CIZ1: variants seen among roughly 807,000 people sequenced by gnomAD.
The protein encoded by CIZ1 is CDKN1A interacting zinc finger protein 1, also known as cip1-interacting zinc finger protein.
A neutral mutation model predicts 118.6 loss-of-function variants in CIZ1; 58 were observed. That is an observed-to-expected ratio of 0.49 (90% CI 0.40 to 0.61). The LOEUF (loss-of-function observed/expected upper bound fraction) is 0.61. Among genes scored for constraint, CIZ1 ranks in the 20% least tolerant of loss-of-function variants. CIZ1 has a pLI of 0.00. For missense variants in CIZ1, 921 were observed against 1,115.9 expected (o/e 0.83, Z 2.49); for synonymous variants, 448 against 443.4 (o/e 1.01, Z -0.13).
At chr9:128,185,834 G>A in intron 4 of CIZ1, 58 bp from the exon 5 acceptor site, 1 of 1,230,588 alleles carries the variant, frequency 8.1e-7, no homozygotes. Flanking sequence ...GCAGAAGGTA[G>A]GGTCAGGCAT....
intron 1 of CIZ1, among the ~76,000 whole-genome samples, chr9:128,200,365 A>G (rs1833482552): frequency 6.6e-6 from 1 of 151,954 alleles, no homozygotes. Flanking sequence ...AAAAAGTAAA[A>G]ATAATAAAAG....
Position 128,203,937 on chromosome 9 carries a change from C to T in CIZ1, c.-6+249G>A, listed in dbSNP as rs953178364. On this transcript the variant is annotated intron_variant, in intron 1 of 17. Coordinates refer to the CIZ1 transcript ENST00000372948. This position sits in a 1 kb window ranked among gnomAD's most constrained non-coding sequence, Gnocchi z 5.3. ...AAGCCCCGGGCAAAGAGCTGCCCCC[C>T]GCCCCCAACATGGGCATGGAGAGAG... 7 of 191,632 alleles carry T rather than the reference C, an allele frequency of 3.7e-5. No homozygotes were observed. The highest frequency in any genetic ancestry group is 1.6e-4 in the African/African-American group (7 of 42,686). 11.9% of individuals were successfully genotyped at this position (191,632 alleles called of 1,614,324 possible). A position where few individuals can be genotyped will look rare whatever the true frequency, so the allele number is the denominator to read the frequency against.
chr9:128,179,000 C>A lies in CIZ1; in HGVS notation c.1207G>T (p.Val403Leu). The A allele has an allele frequency of 6.2e-7, 1 of 1,611,930 alleles. No homozygotes were observed. The highest frequency in any genetic ancestry group is 8.5e-7 in the Non-Finnish European group (1 of 1,178,980). ...LQQEAEPLKQ[V>L]QPQVQPQAHS... Reference sequence around the variant, plus strand: ...GCCTGGGGCTGCACCTGTGGCTGCACCTGCTTCAGCGGCTCTGCCTCCTGC... The same window carrying A: ...GCCTGGGGCTGCACCTGTGGCTGCAACTGCTTCAGCGGCTCTGCCTCCTGC... The change falls in exon 8 of 17, where the codon GTG (valine) becomes TTG (leucine). Residue 403 changes from valine to leucine, a missense_variant. By Grantham distance (32) the Val-to-Leu change is conservative (BLOSUM62 1). Transcript: ENST00000372938.
At position 128,185,682 on chromosome 9, in the gene CIZ1, A is replaced by G. The variant is rs1324098439; in HGVS notation, c.453T>C (p.Phe151=). Residue 151 remains phenylalanine (F), a synonymous_variant, in exon 5 of 17, where the codon TTT becomes TTC. Transcript: ENST00000372938. Reference sequence around the variant, plus strand: ...GCAAGGACTGGCGAGTGGCCTGGGGAAAGAACTGTTGCAAATTTGGAGTGG... The same window carrying G: ...GCAAGGACTGGCGAGTGGCCTGGGGGAAGAACTGTTGCAAATTTGGAGTGG... ...QLATPNLQQF[F]PQATRQSLLG... 10 of 1,607,634 alleles carry G rather than the reference A, an allele frequency of 6.2e-6. No individual in the cohort carries two copies. Among genetic ancestry groups the G allele is most frequent in the South Asian group, 3.3e-5 (3 of 89,932 alleles).
chr9:128,169,762 G>C, intron 12 of CIZ1: 3 of 1,495,716 alleles, frequency 2.0e-6, no homozygotes, highest in Non-Finnish European at 2.7e-6. Flanking sequence ...GAAGACGAGA[G>C]AGAGGGCAGC....
intron 1 of CIZ1, 122 bp from the exon 2 acceptor site, chr9:128,190,984 G>GC (rs1833067954): frequency 7.4e-7 from 1 of 1,346,324 alleles, no homozygotes; most frequent in African/African-American, 1.5e-5. Context: ...CTTCACAGCT[G>GC]CATTCCCAGT....
At chr9:128,178,683 C>A (rs367935367) in intron 8 of CIZ1, 26 bp downstream of exon 8, 89 of 1,600,628 alleles carry the variant, frequency 5.6e-5, no homozygotes, top group Non-Finnish European at 7.3e-5. Flanking sequence ...CATCACCAGA[C>A]CAGCTGGGAG....
Position 128,203,419 on chromosome 9 carries a change from G to C in CIZ1, c.-6+767C>G. 7.2e-7 allele frequency: 1 copy of C among 1,394,796 alleles called. No individual in the cohort carries two copies. The highest frequency in any genetic ancestry group is 9.3e-7 in the Non-Finnish European group (1 of 1,071,302). 86.4% of individuals were successfully genotyped at this position (1,394,796 alleles called of 1,614,324 possible). A position where few individuals can be genotyped will look rare whatever the true frequency, so the allele number is the denominator to read the frequency against. ...CTGCAGCGGCGGAGCCGGAGTCGGA[G>C]CCGGGAGCGCTAGCGGCAGCCGGAT... On this transcript the variant is annotated intron_variant, in intron 1 of 17. Coordinates refer to the CIZ1 transcript ENST00000372948. This position sits in a 1 kb window ranked among gnomAD's most constrained non-coding sequence, Gnocchi z 5.3.
At chr9:128,168,993 G>A (rs780658910) in intron 14 of CIZ1, 59 bp downstream of exon 14, 18 of 1,608,808 alleles carry the variant, frequency 1.1e-5, no homozygotes, top group Non-Finnish European at 1.4e-5. Context: ...GTGGGATGAG[G>A]TCTGTCCTGG....
At position 128,166,968 on chromosome 9, in the gene CIZ1, C is replaced by CTA. The variant is rs1164789342; in HGVS notation, c.2366-89_2366-88insTA. 6.2e-7 allele frequency: 1 copy of CTA among 1,609,464 alleles called. No individual in the cohort carries two copies. Among genetic ancestry groups the CTA allele is most frequent in the African/African-American group, 1.3e-5 (1 of 74,810 alleles). ...TCTAGGGGCCCATGTGCTCCCCAAC[C>CTA]CTCTAGGCAGGGGCAGAAGAGAAGG... On this transcript the variant is annotated intron_variant, in intron 15 of 16. Transcript: ENST00000372938. The surrounding 1 kb of genome is among the most constrained non-coding windows in gnomAD (Gnocchi z 4.4).
At chr9:128,173,823 A>G (rs1051853954) in intron 11 of CIZ1, among the ~76,000 whole-genome samples, 65 of 151,990 alleles carry the variant, frequency 4.3e-4, no homozygotes, top group Admixed American at 5.2e-4. Flanking sequence ...TGGCTAACAC[A>G]GAGAAACCCT....
chr9:128,191,446 C>T lies in CIZ1; in HGVS notation c.-20G>A, dbSNP rs970659551. 1.0e-6 allele frequency: 1 copy of T among 974,448 alleles called. No individual in the cohort carries two copies. Among genetic ancestry groups the T allele is most frequent in the Non-Finnish European group, 1.2e-6 (1 of 817,876 alleles). The allele number at this position is 974,448 out of a possible 1,614,324, so 60.4% of individuals were successfully genotyped here. A position where few individuals can be genotyped will look rare whatever the true frequency, so the allele number is the denominator to read the frequency against. On this transcript the variant is annotated 5_prime_UTR_variant, in exon 1 of 17. Coordinates refer to ENST00000372938, the MANE Select transcript of CIZ1 (RefSeq NM_001131016.2). This position sits in a 1 kb window ranked among gnomAD's most constrained non-coding sequence, Gnocchi z 5.5. ...CGGCCCCGCACCTCGCCTCCCCGCG[C>T]GCCCTCAACGCTCAAGTCGCCCCCA...
chr9:128,172,652 G>A lies in CIZ1; in HGVS notation c.1944-2545C>T, dbSNP rs10987907. Among the ~76,000 whole-genome samples the A allele has an allele frequency of 2.1e-3, 327 of 152,248 alleles. 8 individuals are homozygous for A. The East Asian group carries it at 0.041, about 19-fold the overall frequency. On this transcript the variant is annotated intron_variant, in intron 11 of 16. Transcript: ENST00000372938. ...GGCTGCTTAGAGACAGAAAGTGTTC[G>A]TGTTGTCATGTAGCATGATTCCGAT...
intron 11 of CIZ1, 79 bp downstream of exon 11, chr9:128,176,272 C>A: frequency 6.4e-7 from 1 of 1,557,582 alleles, no homozygotes; most frequent in Non-Finnish European, 8.7e-7. Context: ...AAAGGTAAAC[C>A]CTGCAGATGG....
chr9:128,178,654 G>A, intron 8 of CIZ1, 55 bp downstream of exon 8: 1 of 1,587,580 alleles, frequency 6.3e-7, no homozygotes, highest in South Asian at 1.1e-5. Flanking sequence ...AGGAATGAAG[G>A]GTCTGGGCAG....
chr9:128,198,270 T>A (rs1483758303), intron 1 of CIZ1: 1 of 152,356 alleles, frequency 6.6e-6, no homozygotes, highest in African/African-American at 2.4e-5. Flanking sequence ...CCCTCCCCTG[T>A]GACTTCCATT....
chr9:128,170,646 C>A (rs1830014822), intron 11 of CIZ1, among the ~76,000 whole-genome samples: 1 of 151,812 alleles, frequency 6.6e-6, no homozygotes, highest in Admixed American at 6.6e-5. Context: ...CAGGGTGAGA[C>A]CCCCATCTCA....
intron 11 of CIZ1, 28 bp downstream of exon 11, chr9:128,176,323 C>A: frequency 1.9e-6 from 3 of 1,611,222 alleles, no homozygotes; most frequent in Non-Finnish European, 1.7e-6. Flanking sequence ...TACCCCCCAA[C>A]ACAGAGCTTC....
intron 5 of CIZ1, among the ~76,000 whole-genome samples, chr9:128,181,793 C>G (rs911291358): frequency 6.7e-6 from 1 of 149,460 alleles, no homozygotes; most frequent in Admixed American, 6.6e-5. Context: ...TCCCTTTCCC[C>G]GAGGGAGTTT....
Sources: allele counts gnomAD v4.1 joint callset (sites outside exome capture counted in the v4.1 genomes callset), GRCh38; gene constraint gnomAD v4.1.1; non-coding constraint Gnocchi (gnomAD v3.1); transcripts MANE v1.5; gene names NCBI Gene and HGNC (gene_info 2026-07-23, HGNC 2026-07-21).